The following FMN2 variants were observed in gnomAD, a reference collection of about 807,000 sequenced individuals.
FMN2 encodes the protein formin 2.
FMN2 carries 51 observed loss-of-function variants against 142.3 expected under a neutral mutation model. That is an observed-to-expected ratio of 0.36 (90% CI 0.29 to 0.45). The LOEUF is 0.45. FMN2 is among the 20% of genes least tolerant of loss of function. The pLI is 1.00. For synonymous variants in FMN2, 882 were observed against 869.8 expected (o/e 1.01, Z -0.25); for missense variants, 1,936 against 2,122.8 (o/e 0.91, Z 1.73).
At chr1:240,292,755 C>T (rs77605587) in intron 7 of FMN2, among the ~76,000 whole-genome samples, 9,598 of 152,156 alleles carry the variant, frequency 0.063, 1,015 homozygotes, top group African/African-American at 0.22. Context: ...TATGGCACTT[C>T]GATAATTGTA....
intron 16 of FMN2, among the ~76,000 whole-genome samples, chr1:240,462,256 A>G (rs1403595828): frequency 1.3e-5 from 2 of 152,212 alleles, no homozygotes; most frequent in Admixed American, 6.5e-5. Context: ...CTAGGTTGAC[A>G]TGATTTCTTG....
chr1:240,211,731 C>A (rs1666698382), intron 6 of FMN2, among the ~76,000 whole-genome samples: 1 of 152,182 alleles, frequency 6.6e-6, no homozygotes, highest in Non-Finnish European at 1.5e-5. Context: ...AATCTTGTAT[C>A]CATTTCTAAC....
intron 6 of FMN2, among the ~76,000 whole-genome samples, chr1:240,242,008 G>T (rs1209260909): frequency 6.6e-6 from 1 of 151,752 alleles, no homozygotes; most frequent in African/African-American, 2.4e-5. Context: ...ACCACGCCCG[G>T]CTAATTTTTT....
At chr1:240,170,746 T>G in intron 2 of FMN2, 1 of 1,449,162 alleles carries the variant, frequency 6.9e-7, no homozygotes, top group Non-Finnish European at 9.6e-7. Context: ...GGGGCCTGGC[T>G]CTGTTTGGGC....
chr1:240,107,654 A>G (rs1661663104), intron 1 of FMN2, among the ~76,000 whole-genome samples: 1 of 151,966 alleles, frequency 6.6e-6, no homozygotes, highest in African/African-American at 2.4e-5. Context: ...TTCTTTTTTC[A>G]ACTTCATTAG....
intron 7 of FMN2, among the ~76,000 whole-genome samples, chr1:240,277,978 C>G (rs925317054): frequency 6.6e-6 from 1 of 152,094 alleles, no homozygotes; most frequent in Non-Finnish European, 1.5e-5. Flanking sequence ...AGAGGCTTTA[C>G]TGTTTTTTGA....
intron 14 of FMN2, among the ~76,000 whole-genome samples, chr1:240,382,765 C>G (rs1272569185): frequency 6.6e-6 from 1 of 151,790 alleles, no homozygotes; most frequent in Non-Finnish European, 1.5e-5. Context: ...AAAAACAATC[C>G]TAAAATTCAT....
chr1:240,364,586 G>C (rs913825521), intron 14 of FMN2, among the ~76,000 whole-genome samples: 1 of 152,098 alleles, frequency 6.6e-6, no homozygotes, highest in Non-Finnish European at 1.5e-5. Flanking sequence ...CTCTCTGAGG[G>C]TTAGATTTCC....
At chr1:240,269,526 GT>G (rs1223537514) in intron 7 of FMN2, among the ~76,000 whole-genome samples, 1 of 151,370 alleles carries the variant, frequency 6.6e-6, no homozygotes, top group African/African-American at 2.4e-5. Context: ...TGGCTATTTG[GT>G]TTTTTTTGTG....
chr1:240,097,173 G>A (rs1001806940), intron 1 of FMN2, among the ~76,000 whole-genome samples: 3 of 151,966 alleles, frequency 2.0e-5, no homozygotes, highest in Admixed American at 1.3e-4. Flanking sequence ...AGTTTAATCT[G>A]TTTTAAAGGG....
Position 240,330,659 on chromosome 1 carries a change from C to A in FMN2, c.4494C>A (p.Gly1498=). ...MQVLGLVLAF[G]NYMNGGNKTR... is the part of the protein sequence containing the mutation. ...TTCTAGGTTTGGTTCTTGCCTTTGG[C>A]AACTACATGAATGGAGGAAATAAGA... Residue 1498 remains glycine, a synonymous_variant, in exon 11 of 18, where the codon GGC becomes GGA. Transcript: ENST00000319653. 1 of 1,613,934 alleles carries A rather than the reference C, an allele frequency of 6.2e-7. No individual in the cohort carries two copies. The highest frequency in any genetic ancestry group is 1.1e-5 in the South Asian group (1 of 91,070).
intron 6 of FMN2, among the ~76,000 whole-genome samples, chr1:240,214,401 A>T (rs1221710426): frequency 6.6e-6 from 1 of 151,892 alleles, no homozygotes; most frequent in Middle Eastern, 3.2e-3. Flanking sequence ...AATACAAAAA[A>T]TTAGCCGGGC....
intron 7 of FMN2, among the ~76,000 whole-genome samples, chr1:240,273,516 GT>G (rs1053870267): frequency 1.3e-5 from 2 of 152,062 alleles, no homozygotes; most frequent in Non-Finnish European, 2.9e-5. Flanking sequence ...TGCATGATTT[GT>G]TTTTTTCCTG....
chr1:240,170,889 T>A, intron 2 of FMN2: 1 of 798,360 alleles, frequency 1.3e-6, no homozygotes, highest in Non-Finnish European at 2.3e-6. Flanking sequence ...CCACTGAATG[T>A]ATGAACCGTC....
chr1:240,442,869 G>A (rs1675674727), intron 16 of FMN2, among the ~76,000 whole-genome samples: 1 of 152,156 alleles, frequency 6.6e-6, no homozygotes, highest in Non-Finnish European at 1.5e-5. Flanking sequence ...GCCACTTACT[G>A]GCTCCAGAAT....
intron 1 of FMN2, among the ~76,000 whole-genome samples, chr1:240,105,820 A>G (rs376513153): frequency 6.6e-6 from 1 of 152,184 alleles, no homozygotes; most frequent in Non-Finnish European, 1.5e-5. Flanking sequence ...AGTAAAATCT[A>G]TAGCTTACAG....
rs1330356984 is a variant in FMN2 at position 240,438,048 on chromosome 1, T to C, written c.4911-13T>C. On this transcript the variant is annotated splice_polypyrimidine_tract_variant and intron_variant, in intron 15 of 17. Transcript: ENST00000319653. ...CATGGCTTTTATGCTTTTGTGTGTGTATGATTTGACAGCTTTTTGGAGACC... is the reference window on the plus strand; with the variant it reads ...CATGGCTTTTATGCTTTTGTGTGTGCATGATTTGACAGCTTTTTGGAGACC... 3 of 1,610,540 alleles carry C rather than the reference T, an allele frequency of 1.9e-6. No homozygotes were observed. In the African/African-American group the frequency reaches 4.0e-5, roughly 22 times the overall value.
intron 16 of FMN2, among the ~76,000 whole-genome samples, chr1:240,464,133 C>T (rs973842036): frequency 6.6e-6 from 1 of 152,134 alleles, no homozygotes; most frequent in Non-Finnish European, 1.5e-5. Context: ...CTTTTTGTGA[C>T]TAAACACAGA....
rs190436257 is a variant in FMN2, at chr1:240,259,437, T to A, written c.4153+1405T>A. 3.8e-3 allele frequency among the ~76,000 whole-genome samples: 579 copies of A among 151,338 alleles called. 2 individuals carry two copies. Among genetic ancestry groups the A allele is most frequent in the African/African-American group, 0.014 (566 of 41,254 alleles). On this transcript the variant is annotated intron_variant, in intron 7 of 17. Transcript: ENST00000319653. ...CATACAGAATCATGCAGAAACTTTA[T>A]CCCATTAGGATGTGAAGTGATTGCT...
Sources: allele counts gnomAD v4.1 joint callset (sites outside exome capture counted in the v4.1 genomes callset), GRCh38; gene constraint gnomAD v4.1.1; transcripts MANE v1.5; gene names NCBI Gene and HGNC (gene_info 2026-07-23, HGNC 2026-07-21).